Variants in CD226 observed in about 807,000 individuals in gnomAD.
CD226 encodes CD226 molecule.
In CD226, 24 loss-of-function variants were observed where a neutral mutation model predicts 34.9. That is an observed-to-expected ratio of 0.69 (90% CI 0.50 to 0.97). The LOEUF is 0.97. Ranked by LOEUF, CD226 falls within the 50% of genes least tolerant of loss-of-function variation. The pLI is 0.00. For synonymous variants in CD226, 148 were observed against 147.4 expected, an observed-to-expected ratio of 1.00 and a Z score of -0.03; for missense variants, 397 against 412.7, an observed-to-expected ratio of 0.96 and a Z score of 0.33.
chr18:69,861,555 T>TATATATATATATATATATAC lies in CD226; in HGVS notation c.*2758_*2759insGTATATATATATATATATAT, dbSNP rs1555675804. On this transcript the variant is annotated 3_prime_UTR_variant, in exon 6 of 6. Coordinates refer to ENST00000582621, the MANE Select transcript of CD226 (RefSeq NM_001303618.2). ...TAAATTATATGTGTATATATATATG[T>TATATATATATATATATATAC]ATATATATATATATATATGTAAAAC... 1 of 3,868 alleles carries TATATATATATATATATATAC rather than the reference T, an allele frequency of 2.6e-4. No homozygotes were observed. The highest frequency in any genetic ancestry group is 3.8e-4 in the African/African-American group (1 of 2,626). The allele number at this position is 3,868 out of a possible 1,614,324, so 0.2% of individuals were successfully genotyped here. A position where few individuals can be genotyped will look rare whatever the true frequency, so the allele number is the denominator to read the frequency against.
intron 3 of CD226, among the ~76,000 whole-genome samples, chr18:69,885,602 A>G (rs1984512466): frequency 6.6e-6 from 1 of 152,184 alleles, no homozygotes; most frequent in African/African-American, 2.4e-5. Flanking sequence ...GGTGCTTTGT[A>G]GTGGCCAGAA....
At chr18:69,872,255 T>A (rs569029372) in intron 4 of CD226, among the ~76,000 whole-genome samples, 9 of 152,180 alleles carry the variant, frequency 5.9e-5, no homozygotes, top group African/African-American at 1.7e-4. Context: ...TGTAATACAT[T>A]ATAAGGAATA....
chr18:69,926,528 T>C (rs1351834271), intron 2 of CD226, among the ~76,000 whole-genome samples: 1 of 152,184 alleles, frequency 6.6e-6, no homozygotes, highest in East Asian at 1.9e-4. Context: ...GGAGCTATAA[T>C]ATCTCATTCA....
intron 2 of CD226, among the ~76,000 whole-genome samples, chr18:69,914,356 A>ACACC (rs1160012844): frequency 2.0e-5 from 3 of 152,212 alleles, no homozygotes; most frequent in African/African-American, 7.2e-5. Context: ...ACTACCAGAA[A>ACACC]AGAAACTCAC....
chr18:69,869,016 A>C (rs1983334241), intron 4 of CD226, among the ~76,000 whole-genome samples: 1 of 152,248 alleles, frequency 6.6e-6, no homozygotes, highest in African/African-American at 2.4e-5. Flanking sequence ...AGATGCTGGC[A>C]AGGTTGTGGA....
At chr18:69,942,522 C>A (rs2055738543) in intron 2 of CD226, among the ~76,000 whole-genome samples, 1 of 152,358 alleles carries the variant, frequency 6.6e-6, no homozygotes, top group South Asian at 2.1e-4. Flanking sequence ...CCATTAGGCA[C>A]ATCAATAACT....
chr18:69,946,930 A>C lies in CD226; in HGVS notation c.186T>G (p.Ile62Met). ...TGACCATGCCATGAGTAGGGCTGAA[A>C]ATGGCTATGGAATCCTGCTGGGTCC... ...KIGTQQDSIA[I>M]FSPTHGMVIR... Residue 62 changes from isoleucine to methionine, a missense_variant, in exon 2 of 6, where the codon ATT (isoleucine) becomes ATG (methionine). Ile to Met is a conservative substitution (Grantham distance 10). Transcript: ENST00000582621. 6.2e-7 allele frequency: 1 copy of C among 1,614,132 alleles called. No homozygotes were observed. The highest frequency in any genetic ancestry group is 1.3e-5 in the African/African-American group (1 of 75,040).
intron 2 of CD226, among the ~76,000 whole-genome samples, chr18:69,918,656 C>G (rs182755797): frequency 2.4e-4 from 36 of 152,244 alleles, no homozygotes; most frequent in Admixed American, 2.2e-3. Flanking sequence ...AATAAGGAAG[C>G]CATAAAACTA....
At chr18:69,939,827 A>C (rs1048030419) in intron 2 of CD226, among the ~76,000 whole-genome samples, 3 of 152,134 alleles carry the variant, frequency 2.0e-5, no homozygotes, top group Admixed American at 1.3e-4. Context: ...CCCAAGCAAG[A>C]GGGATTCTGC....
rs1982660699 is a variant in CD226 at position 69,858,015 on chromosome 18, A to G, written c.*6299T>C. On this transcript the variant is annotated 3_prime_UTR_variant, in exon 6 of 6. Transcript: ENST00000582621. The stretch of plus-strand genomic sequence containing the variant: ...GGTTTAAAAATCAATAGATTTGAAT[A>G]AAGTTAAAGTCTAGAAAAATATGCA... 6.6e-6 allele frequency: 1 copy of G among 152,140 alleles called. No individual in the cohort carries two copies. The highest frequency in any genetic ancestry group is 1.5e-5 in the Non-Finnish European group (1 of 67,966). 9.4% of individuals were successfully genotyped at this position (152,140 alleles called of 1,614,324 possible). A position where few individuals can be genotyped will look rare whatever the true frequency, so the allele number is the denominator to read the frequency against.
intron 3 of CD226, among the ~76,000 whole-genome samples, chr18:69,884,060 G>C (rs1181223952): frequency 6.6e-6 from 1 of 152,198 alleles, no homozygotes; most frequent in African/African-American, 2.4e-5. Context: ...GACAGAATAA[G>C]CCACCCCAGC....
At chr18:69,952,638 G>A (rs900642655), upstream of CD226, among the ~76,000 whole-genome samples, 2 of 152,150 alleles carry the variant, frequency 1.3e-5, no homozygotes, top group Non-Finnish European at 1.5e-5. Flanking sequence ...ACCTCAGACT[G>A]TAGAAATCTT....
At chr18:69,900,470 C>T (rs2602149) in intron 2 of CD226, among the ~76,000 whole-genome samples, 57,514 of 151,870 alleles carry the variant, frequency 0.38, 12,465 homozygotes, top group African/African-American at 0.6. Context: ...CGGTGGCTCA[C>T]GCCTGTAATC....
rs553287611 is a variant in CD226, at chr18:69,919,666, C to A, written c.383-23621G>T. 1.5e-4 allele frequency among the ~76,000 whole-genome samples: 23 copies of A among 152,220 alleles called. 1 individual carries two copies. The South Asian group carries it at 4.8e-3, about 32-fold the overall frequency. On this transcript the variant is annotated intron_variant, in intron 2 of 5. Coordinates refer to ENST00000582621, the MANE Select transcript of CD226 (RefSeq NM_001303618.2). ...GGCAAAGCACATTTTCATCTTATTT[C>A]GCTGAACAATGCAGGCCAGGGTTAT...
intron 2 of CD226, among the ~76,000 whole-genome samples, chr18:69,911,026 C>T (rs1170713846): frequency 1.3e-5 from 2 of 152,076 alleles, no homozygotes; most frequent in Non-Finnish European, 2.9e-5. Context: ...GGAACCGAGG[C>T]CATAAATAGC....
intron 2 of CD226, among the ~76,000 whole-genome samples, chr18:69,945,342 G>A (rs2055776023): frequency 1.3e-5 from 2 of 152,146 alleles, no homozygotes; most frequent in African/African-American, 4.8e-5. Context: ...CAGAGGGATC[G>A]AGCAACTAAC....
chr18:69,877,336 A>G (rs925724449), intron 3 of CD226, among the ~76,000 whole-genome samples: 2 of 152,168 alleles, frequency 1.3e-5, no homozygotes, highest in African/African-American at 4.8e-5. Flanking sequence ...AGGGTGAGGC[A>G]TGTGTAAAGG....
chr18:69,946,884 T>C lies in CD226; in HGVS notation c.232A>G (p.Arg78Gly). ...ATCGTTGAATTCAAAAAGTAAACCC[T>C]CTCAGCATAGGGCTTCCTTATGACC... The part of the protein sequence containing the change: ...GMVIRKPYAE[R>G]VYFLNSTMAS... The change falls in exon 2 of 6, where the codon AGG becomes GGG. Residue 78 changes from arginine to glycine, a missense_variant. By Grantham distance (125) the Arg-to-Gly change is moderately radical (BLOSUM62 -2). Coordinates refer to ENST00000582621, the MANE Select transcript of CD226 (RefSeq NM_001303618.2). The C allele has an allele frequency of 6.2e-7, 1 of 1,614,060 alleles. No homozygotes were observed. Among genetic ancestry groups the C allele is most frequent in the Non-Finnish European group, 8.5e-7 (1 of 1,179,996 alleles).
chr18:69,917,116 T>C lies in CD226; in HGVS notation c.383-21071A>G, dbSNP rs75995570. On this transcript the variant is annotated intron_variant, in intron 2 of 5. Coordinates refer to ENST00000582621, the MANE Select transcript of CD226 (RefSeq NM_001303618.2). ...ACAAGGGCCTTGTCATAATTCTCTATATACATTACATAGTACAGCCAGAGT... is the reference window on the plus strand; with the variant it reads ...ACAAGGGCCTTGTCATAATTCTCTACATACATTACATAGTACAGCCAGAGT... Among the ~76,000 whole-genome samples the C allele has an allele frequency of 5.5e-3, 843 of 152,346 alleles. 9 individuals carry two copies. The highest frequency in any genetic ancestry group is 0.02 in the African/African-American group (812 of 41,570).
Sources: allele counts gnomAD v4.1 joint callset (sites outside exome capture counted in the v4.1 genomes callset), GRCh38; gene constraint gnomAD v4.1.1; transcripts MANE v1.5; gene names NCBI Gene and HGNC (gene_info 2026-07-23, HGNC 2026-07-21).